AOPEP: variants seen among roughly 807,000 people sequenced by gnomAD.
AOPEP encodes aminopeptidase O.
AOPEP carries 77 observed loss-of-function variants against 98.1 expected under a neutral mutation model. The observed-to-expected ratio is 0.78, with a 90% CI of 0.65 to 0.95. The LOEUF is 0.95. Ranked by LOEUF, AOPEP falls within the 40% of genes least tolerant of loss-of-function variation. The pLI is 0.00. For synonymous variants in AOPEP, 346 were observed against 365.3 expected (o/e 0.95, Z 0.60); for missense variants, 1,024 against 1,024.7 (o/e 1.00, Z 0.01).
chr9:94,911,690 A>C (rs1385818796), intron 5 of AOPEP, among the ~76,000 whole-genome samples: 1 of 152,170 alleles, frequency 6.6e-6, no homozygotes, highest in Non-Finnish European at 1.5e-5. Flanking sequence ...TATAATACAT[A>C]ATTAGTGTTG....
chr9:95,098,078 A>G, the AOPEP span, among the ~76,000 whole-genome samples: 1 of 152,110 alleles, frequency 6.6e-6, no homozygotes, highest in African/African-American at 2.4e-5. Flanking sequence ...CTTGGAAAGC[A>G]AAAAAATTTT....
the AOPEP span, among the ~76,000 whole-genome samples, chr9:95,137,464 G>T: frequency 6.6e-6 from 1 of 152,022 alleles, no homozygotes; most frequent in Admixed American, 6.6e-5. Flanking sequence ...GGACCCACCG[G>T]CAGGCCCCGT....
chr9:94,990,663 C>T (rs1418946973), intron 11 of AOPEP, among the ~76,000 whole-genome samples: 2 of 151,938 alleles, frequency 1.3e-5, no homozygotes, highest in Non-Finnish European at 2.9e-5. Flanking sequence ...GTTTCACTGT[C>T]GCCCAGGCTG....
At chr9:94,735,171 T>C (rs907658045) in intron 1 of AOPEP, among the ~76,000 whole-genome samples, 1 of 152,198 alleles carries the variant, frequency 6.6e-6, no homozygotes, top group Non-Finnish European at 1.5e-5. Context: ...TATCTTGATA[T>C]CCTGTGTAAA....
chr9:94,739,189 A>C (rs1417682180), intron 1 of AOPEP, among the ~76,000 whole-genome samples: 1 of 152,086 alleles, frequency 6.6e-6, no homozygotes, highest in East Asian at 1.9e-4. Flanking sequence ...GTATTTCCCA[A>C]GGTTGGCTGC....
At chr9:95,047,939 G>A (rs552277784) in intron 13 of AOPEP, among the ~76,000 whole-genome samples, 305 of 152,292 alleles carry the variant, frequency 2.0e-3, no homozygotes, top group African/African-American at 7.1e-3. Flanking sequence ...ATTAAGAATT[G>A]TATAAATTGT....
intron 1 of AOPEP, among the ~76,000 whole-genome samples, chr9:94,744,585 T>C (rs1834010017): frequency 6.8e-6 from 1 of 147,788 alleles, no homozygotes; most frequent in African/African-American, 2.5e-5. Context: ...CCTGTAATCC[T>C]AGCTGCTTGG....
intron 13 of AOPEP, among the ~76,000 whole-genome samples, chr9:95,026,756 A>G (rs1361459994): frequency 6.6e-6 from 1 of 152,216 alleles, no homozygotes; most frequent in Non-Finnish European, 1.5e-5. Context: ...AAATGGAGTG[A>G]TTTAAGAAGC....
At chr9:95,005,982 G>A (rs1169837971) in intron 13 of AOPEP, 7 of 485,944 alleles carry the variant, frequency 1.4e-5, no homozygotes, top group Non-Finnish European at 2.9e-5. Context: ...TTTCCATGCT[G>A]TACTTTCTCT....
At chr9:94,984,971 A>C (rs1451230256) in intron 11 of AOPEP, among the ~76,000 whole-genome samples, 1 of 152,236 alleles carries the variant, frequency 6.6e-6, no homozygotes, top group African/African-American at 2.4e-5. Flanking sequence ...GAGGGCATGA[A>C]CTAGCAGCCT....
At chr9:95,005,105 G>T in intron 11 of AOPEP, 53 bp from the exon 12 acceptor site, 6 of 945,890 alleles carry the variant, frequency 6.3e-6, no homozygotes, top group Non-Finnish European at 7.8e-6. Context: ...CGCGGGGCAG[G>T]GAGGCCGGGG....
intron 13 of AOPEP, among the ~76,000 whole-genome samples, chr9:95,059,929 A>C (rs969049188): frequency 1.3e-5 from 2 of 152,362 alleles, no homozygotes; most frequent in Non-Finnish European, 1.5e-5. Flanking sequence ...GCTGTTGCAT[A>C]GCGAGTAACA....
chr9:95,111,205 C>G, the AOPEP span: 19 of 1,536,280 alleles, frequency 1.2e-5, no homozygotes, highest in South Asian at 5.9e-5. Flanking sequence ...ATCAAATGAC[C>G]TTGGGGAAGA....
the AOPEP span, among the ~76,000 whole-genome samples, chr9:95,094,791 G>A: frequency 0.017 from 2,550 of 152,208 alleles, 83 homozygotes; most frequent in African/African-American, 0.058. Flanking sequence ...TCAGCCTCCC[G>A]AGTAGCTGGG....
chr9:95,148,686 C>T, the AOPEP span, among the ~76,000 whole-genome samples: 1 of 152,110 alleles, frequency 6.6e-6, no homozygotes, highest in East Asian at 1.9e-4. Flanking sequence ...TGAAGATTTT[C>T]CAAATGAACC....
At chr9:95,122,311 G>C in the AOPEP span, among the ~76,000 whole-genome samples, 1 of 152,132 alleles carries the variant, frequency 6.6e-6, no homozygotes, top group Non-Finnish European at 1.5e-5. Flanking sequence ...AGAGGGTCAC[G>C]CATCTACCAA....
intron 1 of AOPEP, among the ~76,000 whole-genome samples, chr9:94,741,772 A>G (rs190959672): frequency 1.3e-4 from 20 of 152,308 alleles, no homozygotes; most frequent in East Asian, 9.6e-4. Flanking sequence ...TGGTCATGCT[A>G]TTCCATCACA....
chr9:94,986,909 A>T (rs2060557557), intron 11 of AOPEP, among the ~76,000 whole-genome samples: 1 of 152,228 alleles, frequency 6.6e-6, no homozygotes, highest in African/African-American at 2.4e-5. Context: ...GAATAACAAG[A>T]ATTAAAAATG....
At chr9:94,866,924 A>C (rs537715317) in intron 5 of AOPEP, among the ~76,000 whole-genome samples, 2 of 152,302 alleles carry the variant, frequency 1.3e-5, no homozygotes, top group South Asian at 4.1e-4. Context: ...ATAAGTCAAA[A>C]TGTTGGTGTG....
Sources: gnomAD v4.1 joint callset for allele counts (sites outside exome capture counted in the v4.1 genomes callset) on GRCh38, gnomAD v4.1.1 for gene constraint, MANE v1.5 for transcripts, NCBI Gene and HGNC (gene_info 2026-07-23, HGNC 2026-07-21) for gene names.